STX18: variants seen among roughly 807,000 people sequenced by gnomAD.
The protein encoded by STX18 is syntaxin-18.
In STX18, 40 loss-of-function variants were observed where a neutral mutation model predicts 50.1. The ratio of observed to expected loss-of-function variants is 0.80; its 90% CI spans 0.62 to 1.04. The LOEUF is 1.04. Ranked by LOEUF, STX18 falls within the 50% of genes least tolerant of loss-of-function variation. The pLI is 0.00. For missense variants in STX18, 410 were observed against 415.8 expected, an observed-to-expected ratio of 0.99 and a Z score of 0.12; for synonymous variants, 158 against 151.8, an observed-to-expected ratio of 1.04 and a Z score of -0.30.
At chr4:4,423,221 T>C (rs116255769) in intron 9 of STX18, among the ~76,000 whole-genome samples, 181 of 152,320 alleles carry the variant, frequency 1.2e-3, no homozygotes, top group African/African-American at 4.0e-3. Flanking sequence ...ACCCAGCACA[T>C]CCAGAACCCT....
rs1731252365 is a variant in STX18 at position 4,534,708 on chromosome 4, C to T, written c.168+7089G>A. On this transcript the variant is annotated intron_variant, in intron 1 of 10. Coordinates refer to ENST00000306200, the MANE Select transcript of STX18 (RefSeq NM_016930.4). The stretch of plus-strand genomic sequence containing the variant: ...ATAAAGTACAAACTCCTCAGCACTG[C>T]TAACAACGCTCTCATCTAAGAGTTG... 2.0e-5 allele frequency among the ~76,000 whole-genome samples: 3 copies of T among 152,356 alleles called. No homozygotes were observed. In the South Asian group the frequency reaches 6.2e-4, roughly 32 times the overall value.
At chr4:4,525,424 A>G (rs895202475) in intron 1 of STX18, among the ~76,000 whole-genome samples, 3 of 152,258 alleles carry the variant, frequency 2.0e-5, no homozygotes, top group African/African-American at 7.2e-5. Context: ...GGCTTTTAAA[A>G]GATGGAAAAT....
chr4:4,514,113 T>G (rs1351207032), intron 1 of STX18, among the ~76,000 whole-genome samples: 2 of 152,158 alleles, frequency 1.3e-5, no homozygotes, highest in African/African-American at 2.4e-5. Context: ...CTTCACTGTA[T>G]CAAGCGGCAC....
chr4:4,522,871 C>G (rs114856959), intron 1 of STX18, among the ~76,000 whole-genome samples: 1,578 of 152,250 alleles, frequency 0.01, 11 homozygotes, highest in Non-Finnish European at 0.014. Flanking sequence ...TATTTAAGTA[C>G]AAATAAACTA....
intron 1 of STX18, among the ~76,000 whole-genome samples, chr4:4,502,219 G>T (rs778507300): frequency 8.5e-5 from 13 of 152,070 alleles, no homozygotes; most frequent in Non-Finnish European, 1.5e-4. Flanking sequence ...TTAATTTGGT[G>T]AAAATTACAT....
At chr4:4,469,749 C>T (rs1055231170) in intron 2 of STX18, among the ~76,000 whole-genome samples, 1 of 152,116 alleles carries the variant, frequency 6.6e-6, no homozygotes, top group African/African-American at 2.4e-5. Context: ...GGTCGTCTGG[C>T]TTTTTTCTTC....
intron 5 of STX18, among the ~76,000 whole-genome samples, chr4:4,442,132 A>G (rs758281881): frequency 2.0e-5 from 3 of 152,208 alleles, no homozygotes; most frequent in Non-Finnish European, 4.4e-5. Flanking sequence ...AGACCAATGA[A>G]TAGGATATAA....
chr4:4,422,304 C>T (rs561762679), intron 9 of STX18, among the ~76,000 whole-genome samples: 3 of 152,092 alleles, frequency 2.0e-5, no homozygotes, highest in African/African-American at 4.8e-5. Context: ...CAGTGGCTCT[C>T]GTCTGTAATC....
chr4:4,434,485 A>C (rs1313519502), intron 7 of STX18, among the ~76,000 whole-genome samples: 1 of 152,246 alleles, frequency 6.6e-6, no homozygotes, highest in Non-Finnish European at 1.5e-5. Context: ...AGACCCATTT[A>C]GTCTAGAAGA....
rs1442999716 is a variant in STX18 at position 4,420,939 on chromosome 4, A to G, written c.837T>C (p.Ala279=). ...CTAACTGGTGAATGCTGTCAATCTC[A>G]GCTTCCTGTGGAAGAAAAGATAAAT... ...IFTEKVLQQE[A]EIDSIHQLVV... The change falls in exon 10 of 11, where the codon GCT becomes GCC. Residue 279 remains alanine (A), a synonymous_variant. Transcript: ENST00000306200. This position sits in a 1 kb window ranked among gnomAD's most constrained non-coding sequence, Gnocchi z 4.3. The G allele has an allele frequency of 3.1e-6, 5 of 1,614,040 alleles. No homozygotes were observed. The East Asian group carries it at 8.9e-5, about 29-fold the overall frequency.
chr4:4,470,681 T>A (rs1042289684), intron 2 of STX18, among the ~76,000 whole-genome samples: 6 of 152,168 alleles, frequency 3.9e-5, no homozygotes, highest in African/African-American at 1.4e-4. Flanking sequence ...GAGGGACTAT[T>A]AAGTTGAGCC....
intron 9 of STX18, among the ~76,000 whole-genome samples, chr4:4,422,680 G>A (rs1177639777): frequency 2.6e-5 from 4 of 152,146 alleles, no homozygotes; most frequent in Non-Finnish European, 4.4e-5. Flanking sequence ...CCCTGGAGCC[G>A]CTGGGAGGTT....
At chr4:4,487,963 TTC>T (rs1195363571) in intron 1 of STX18, among the ~76,000 whole-genome samples, 9 of 152,182 alleles carry the variant, frequency 5.9e-5, no homozygotes, top group Non-Finnish European at 1.3e-4. Flanking sequence ...GAATTTGACA[TTC>T]TAAAATAAAT....
At chr4:4,475,731 G>C (rs1728143126) in intron 1 of STX18, among the ~76,000 whole-genome samples, 1 of 152,168 alleles carries the variant, frequency 6.6e-6, no homozygotes, top group Non-Finnish European at 1.5e-5. Context: ...ATTCTGACGT[G>C]CTCATTACAT....
At chr4:4,456,574 C>T (rs559024021) in intron 5 of STX18, among the ~76,000 whole-genome samples, 3 of 152,268 alleles carry the variant, frequency 2.0e-5, no homozygotes, top group Admixed American at 6.5e-5. Context: ...CCTGCTGGAG[C>T]GTCAGCGTCC....
chr4:4,443,420 C>T (rs529845734), intron 5 of STX18, among the ~76,000 whole-genome samples: 7 of 152,280 alleles, frequency 4.6e-5, no homozygotes, highest in African/African-American at 1.2e-4. Flanking sequence ...CTGATAAACA[C>T]GTACAAAATC....
At chr4:4,528,555 CA>C (rs796251816) in intron 1 of STX18, among the ~76,000 whole-genome samples, 16 of 152,346 alleles carry the variant, frequency 1.1e-4, no homozygotes, top group African/African-American at 3.4e-4. Flanking sequence ...TCTGCAGAAT[CA>C]TAAGCCAAAA....
chr4:4,489,391 ATTTTTTTTTTTTTTTTTT>A (rs34563523), intron 1 of STX18, among the ~76,000 whole-genome samples: 93 of 51,686 alleles, frequency 1.8e-3, no homozygotes, highest in Non-Finnish European at 2.8e-3. Context: ...ATGCAAAATA[ATTTTTTTTTTTTTTTTTT>A]TTTTTTTTTT....
Position 4,420,878 on chromosome 4 carries a change from C to G in STX18, c.898G>C (p.Glu300Gln), listed in dbSNP as rs1724915617. 3 of 1,614,132 alleles carry G rather than the reference C, an allele frequency of 1.9e-6. No homozygotes were observed. Among genetic ancestry groups the G allele is most frequent in the African/African-American group, 1.3e-5 (1 of 75,054 alleles). Residue 300 changes from glutamate to glutamine, a missense_variant, in exon 10 of 11, where the codon GAA becomes CAA. Transcript: ENST00000306200. This position sits in a 1 kb window ranked among gnomAD's most constrained non-coding sequence, Gnocchi z 4.3. ...GATENIKEGN[E>Q]DIREAIKNNA... is the part of the protein sequence containing the mutation. ...ACAGTGCCTACCTCTCTTATGTCTT[C>G]GTTGCCTTCCTTGATATTTTCAGTT...
Sources: allele counts gnomAD v4.1 joint callset (sites outside exome capture counted in the v4.1 genomes callset), GRCh38; gene constraint gnomAD v4.1.1; non-coding constraint Gnocchi (gnomAD v3.1); transcripts MANE v1.5; gene names NCBI Gene and HGNC (gene_info 2026-07-23, HGNC 2026-07-21).